The following FBXO42 variants were observed in gnomAD, a reference collection of about 807,000 sequenced individuals.
The protein encoded by FBXO42 is F-box only protein 42.
In FBXO42, 12 loss-of-function variants were observed where a neutral mutation model predicts 71.7. The ratio of observed to expected loss-of-function variants is 0.17; its 90% CI spans 0.11 to 0.27. The LOEUF (loss-of-function observed/expected upper bound fraction) is 0.27, where lower values mean the gene tolerates loss of function less well. FBXO42 is among the 10% of genes least tolerant of loss of function. The pLI is 1.00. For missense variants in FBXO42, 707 were observed against 911.9 expected, an observed-to-expected ratio of 0.78 and a Z score of 2.89; for synonymous variants, 325 against 327.5, an observed-to-expected ratio of 0.99 and a Z score of 0.08.
At chr1:16,274,854 T>A (rs552279693) in intron 4 of FBXO42, among the ~76,000 whole-genome samples, 9 of 152,018 alleles carry the variant, frequency 5.9e-5, no homozygotes, top group African/African-American at 2.2e-4. Flanking sequence ...CCTCCCACAG[T>A]GCTGGGATTA....
intron 1 of FBXO42, among the ~76,000 whole-genome samples, chr1:16,327,116 T>TTA: frequency 6.6e-6 from 1 of 152,322 alleles, no homozygotes; most frequent in Non-Finnish European, 1.5e-5. Flanking sequence ...ATCTGGCACA[T>TTA]TAGTAGACAC....
Position 16,285,986 on chromosome 1 carries a change from C to T in FBXO42, c.502+8797G>A, listed in dbSNP as rs966913530. The stretch of plus-strand genomic sequence containing the variant: ...GGACTCAGGTGATCCTCTCCCCTCA[C>T]CCCTGCCCGCCTGCATCAGCCTTCC... On this transcript the variant is annotated intron_variant, in intron 4 of 9. Transcript: ENST00000375592. 3.3e-5 allele frequency among the ~76,000 whole-genome samples: 5 copies of T among 152,198 alleles called. No individual in the cohort carries two copies. The East Asian group carries it at 5.8e-4, about 18-fold the overall frequency.
At chr1:16,316,556 C>T (rs1489026180) in intron 1 of FBXO42, among the ~76,000 whole-genome samples, 3 of 150,918 alleles carry the variant, frequency 2.0e-5, no homozygotes, top group South Asian at 2.1e-4. Context: ...GGCAACATGG[C>T]GAAATCCCAT....
chr1:16,334,494 G>A (rs2082532870), intron 1 of FBXO42, among the ~76,000 whole-genome samples: 1 of 151,216 alleles, frequency 6.6e-6, no homozygotes. Context: ...CCTGGCACTT[G>A]GAGCAAAAGG....
rs374686297 is a variant in FBXO42, at chr1:16,253,657, T to A, written c.842A>T (p.His281Leu). Residue 281 changes from histidine to leucine, a missense_variant, in exon 7 of 10, where the codon CAT (histidine) becomes CTT (leucine). This residue lies in a region of FBXO42 where 482 missense variants were observed against 587.1 expected (regional missense o/e 0.82). Transcript: ENST00000375592. ...SKPNISGPSP[H>L]PRGGQSQIVI... ...CACCTGAGATTGGCCACCTCGAGGATGAGGACTGGGGCCAGAGATGTTCGG... is the reference window on the plus strand; with the variant it reads ...CACCTGAGATTGGCCACCTCGAGGAAGAGGACTGGGGCCAGAGATGTTCGG... 2.5e-6 allele frequency: 4 copies of A among 1,614,068 alleles called. No homozygotes were observed. The African/African-American group carries it at 5.3e-5, about 22-fold the overall frequency.
intron 3 of FBXO42, among the ~76,000 whole-genome samples, chr1:16,301,457 G>C (rs888744016): frequency 6.6e-6 from 1 of 151,984 alleles, no homozygotes; most frequent in African/African-American, 2.4e-5. Context: ...GAGCCCAGGA[G>C]TTTGAGACCA....
intron 1 of FBXO42, among the ~76,000 whole-genome samples, chr1:16,343,909 T>C (rs899385908): frequency 2.0e-5 from 3 of 150,686 alleles, no homozygotes; most frequent in Non-Finnish European, 2.9e-5. Context: ...AGCCAGGAGA[T>C]TGGGGCTGCA....
At chr1:16,350,757 A>AAAAGAAAAAAAGAAAGAAAGAAAGAAAG (rs2082695180) in intron 1 of FBXO42, among the ~76,000 whole-genome samples, 1 of 44,248 alleles carries the variant, frequency 2.3e-5, no homozygotes, top group Non-Finnish European at 4.1e-5. Flanking sequence ...AAAAAAAAAA[A>AAAAGAAAAAAAGAAAGAAAGAAAGAAAG]AAAGAAAGAA....
chr1:16,256,530 T>C (rs1416341817), intron 5 of FBXO42, 76 bp downstream of exon 5: 1 of 1,486,456 alleles, frequency 6.7e-7, no homozygotes, highest in Non-Finnish European at 9.2e-7. Flanking sequence ...AAGGGACTCT[T>C]GACACAAAAA....
intron 1 of FBXO42, among the ~76,000 whole-genome samples, chr1:16,334,770 T>C (rs538256589): frequency 4.7e-4 from 71 of 152,062 alleles, no homozygotes; most frequent in African/African-American, 1.6e-3. Context: ...ATAGGAGAAA[T>C]GCTAAATAGA....
intron 1 of FBXO42, among the ~76,000 whole-genome samples, chr1:16,343,158 C>A (rs2082622526): frequency 6.6e-6 from 1 of 152,162 alleles, no homozygotes; most frequent in Admixed American, 6.6e-5. Context: ...ACATATGTAA[C>A]CAATTCCCTA....
At chr1:16,318,952 G>C (rs956420464) in intron 1 of FBXO42, among the ~76,000 whole-genome samples, 3 of 152,192 alleles carry the variant, frequency 2.0e-5, no homozygotes, top group Non-Finnish European at 4.4e-5. Flanking sequence ...GCTTCAGCCA[G>C]CCTCCTTACA....
In FBXO42 at chr1:16,301,370, C is replaced by T. The variant is rs148500707; in HGVS notation, c.367+4433G>A. Among the ~76,000 whole-genome samples the T allele has an allele frequency of 1.4e-3, 215 of 152,010 alleles. 3 individuals are homozygous for T. Among genetic ancestry groups the T allele is most frequent in the African/African-American group, 5.0e-3 (208 of 41,500 alleles). ...CAACTATGAACAAGGTGTTGTGAAA[C>T]AGTACAAGAAGGCTGGGTGCGGTGG... On this transcript the variant is annotated intron_variant, in intron 3 of 9. Transcript: ENST00000375592.
Position 16,250,909 on chromosome 1 carries a change from T to A in FBXO42, c.1915A>T (p.Met639Leu). 1 of 1,614,192 alleles carries A rather than the reference T, an allele frequency of 6.2e-7. No homozygotes were observed. The highest frequency in any genetic ancestry group is 8.5e-7 in the Non-Finnish European group (1 of 1,180,038). ...LNVGKPLYQS[M>L]NCKPMQMYVL... Reference sequence around the variant, plus strand: ...TACATCTGCATGGGCTTGCAGTTCATACTCTGGTATAGGGGTTTGCCAACA... The same window carrying A: ...TACATCTGCATGGGCTTGCAGTTCAAACTCTGGTATAGGGGTTTGCCAACA... Residue 639 changes from methionine (M) to leucine (L), a missense_variant, in exon 10 of 10, where the codon ATG becomes TTG. Coordinates refer to ENST00000375592, the MANE Select transcript of FBXO42 (RefSeq NM_018994.3). This position sits in a 1 kb window ranked among gnomAD's most constrained non-coding sequence, Gnocchi z 4.7.
At chr1:16,260,866 A>T (rs1226399837) in intron 4 of FBXO42, among the ~76,000 whole-genome samples, 2 of 151,436 alleles carry the variant, frequency 1.3e-5, no homozygotes, top group Non-Finnish European at 2.9e-5. Flanking sequence ...CATCCAGCTA[A>T]TTTTTTTCTT....
chr1:16,270,100 C>A (rs1397217557), intron 4 of FBXO42, among the ~76,000 whole-genome samples: 6 of 152,140 alleles, frequency 3.9e-5, no homozygotes, highest in Admixed American at 3.9e-4. Context: ...AAGTGATCAG[C>A]CTGCCAAGGC....
At chr1:16,347,276 G>T (rs1462854177) in intron 1 of FBXO42, among the ~76,000 whole-genome samples, 1 of 152,030 alleles carries the variant, frequency 6.6e-6, no homozygotes, top group Non-Finnish European at 1.5e-5. Context: ...AGCACTTTGG[G>T]AGGCTGAGGC....
At position 16,248,791 on chromosome 1, in the gene FBXO42, AAGTAGAC is replaced by A. The variant is rs1290663781; in HGVS notation, c.*1872_*1878del. The A allele has an allele frequency of 1.3e-5, 2 of 152,276 alleles. No individual in the cohort carries two copies. Among genetic ancestry groups the A allele is most frequent in the Non-Finnish European group, 2.9e-5 (2 of 68,056 alleles). 9.4% of individuals were successfully genotyped at this position (152,276 alleles called of 1,614,324 possible). A position where few individuals can be genotyped will look rare whatever the true frequency, so the allele number is the denominator to read the frequency against. On this transcript the variant is annotated 3_prime_UTR_variant, in exon 10 of 10. Coordinates refer to ENST00000375592, the MANE Select transcript of FBXO42 (RefSeq NM_018994.3). ...AGCTCCAAGCAGTTGGATGCCACATAAGTAGACACATGTTGTTTCCTCATTGAAGGGA... is the reference window on the plus strand; with the variant it reads ...AGCTCCAAGCAGTTGGATGCCACATAACATGTTGTTTCCTCATTGAAGGGA...
Position 16,251,057 on chromosome 1 carries a change from C to G in FBXO42, c.1767G>C (p.Gly589=). The G allele has an allele frequency of 1.2e-6, 2 of 1,614,146 alleles. No individual in the cohort carries two copies. The highest frequency in any genetic ancestry group is 1.7e-6 in the Non-Finnish European group (2 of 1,180,024). Residue 589 remains glycine, a synonymous_variant, in exon 10 of 10, where the codon GGG becomes GGC. Transcript: ENST00000375592. This position sits in a 1 kb window ranked among gnomAD's most constrained non-coding sequence, Gnocchi z 4.5. Reference sequence around the variant, plus strand: ...TTTCTCCACTGCTCAAACTCTGGCTCCCAGGAGAGCCTGGAGAAGACCCAA... The same window carrying G: ...TTTCTCCACTGCTCAAACTCTGGCTGCCAGGAGAGCCTGGAGAAGACCCAA... ...PPLGSSPGSP[G]SQSLSSGETV... is the part of the protein sequence containing the mutation.
Sources: gnomAD v4.1 joint callset for allele counts (sites outside exome capture counted in the v4.1 genomes callset) on GRCh38, gnomAD v4.1.1 for gene constraint, gnomAD v4.1.1 regional missense constraint, Gnocchi (gnomAD v3.1) non-coding constraint, MANE v1.5 for transcripts, NCBI Gene and HGNC (gene_info 2026-07-23, HGNC 2026-07-21) for gene names.